STX18: variants seen among roughly 807,000 people sequenced by gnomAD.
STX18 encodes the protein syntaxin 18, also known as syntaxin-18.
Under a neutral mutation model 50.1 loss-of-function variants are expected in STX18, and 40 were observed. The observed-to-expected ratio is 0.80, with a 90% CI of 0.62 to 1.04. STX18 has a LOEUF of 1.04. Among genes scored for constraint, STX18 ranks in the 50% least tolerant of loss-of-function variants. The pLI is 0.00. For synonymous variants in STX18, 158 were observed against 151.8 expected (o/e 1.04, Z -0.30); for missense variants, 410 against 415.8 (o/e 0.99, Z 0.12).
intron 3 of STX18, among the ~76,000 whole-genome samples, chr4:4,457,883 T>C (rs1727165885): frequency 6.6e-6 from 1 of 152,186 alleles, no homozygotes; most frequent in Non-Finnish European, 1.5e-5. Flanking sequence ...GTGCTGCTTT[T>C]CAGCCTGTAG....
intron 1 of STX18, among the ~76,000 whole-genome samples, chr4:4,519,613 G>A (rs1249966084): frequency 6.6e-6 from 1 of 152,104 alleles, no homozygotes; most frequent in Non-Finnish European, 1.5e-5. Flanking sequence ...AAACAGCTGA[G>A]AAGAACTGAA....
intron 5 of STX18, among the ~76,000 whole-genome samples, chr4:4,440,412 C>T (rs1173593061): frequency 1.3e-5 from 2 of 152,178 alleles, no homozygotes; most frequent in Non-Finnish European, 2.9e-5. Flanking sequence ...GAAACTTGCC[C>T]AGGTCACAGT....
Position 4,420,875 on chromosome 4 carries a change from C to G in STX18, c.901G>C (p.Asp301His). The change falls in exon 10 of 11, where the codon GAC becomes CAC. Residue 301 changes from aspartate (D) to histidine (H), a missense_variant. Asp to His is a moderately conservative substitution (Grantham distance 81, BLOSUM62 -1). Transcript: ENST00000306200. The surrounding 1 kb of genome is among the most constrained non-coding windows in gnomAD (Gnocchi z 4.3). ...ATENIKEGNE[D>H]IREAIKNNAG... ...TAAACAGTGCCTACCTCTCTTATGTCTTCGTTGCCTTCCTTGATATTTTCA... is the reference window on the plus strand; with the variant it reads ...TAAACAGTGCCTACCTCTCTTATGTGTTCGTTGCCTTCCTTGATATTTTCA... 2 of 1,614,152 alleles carry G rather than the reference C, an allele frequency of 1.2e-6. No individual in the cohort carries two copies. Among genetic ancestry groups the G allele is most frequent in the Non-Finnish European group, 1.7e-6 (2 of 1,180,024 alleles).
chr4:4,504,741 T>C (rs889893102), intron 1 of STX18, among the ~76,000 whole-genome samples: 1 of 152,182 alleles, frequency 6.6e-6, no homozygotes, highest in Non-Finnish European at 1.5e-5. Flanking sequence ...GAAATGCTAA[T>C]TAACAATGAT....
Position 4,482,689 on chromosome 4 carries a change from G to A in STX18, c.169-10983C>T, listed in dbSNP as rs117913272. Among the ~76,000 whole-genome samples, 325 of 152,258 alleles carry A rather than the reference G, an allele frequency of 2.1e-3. 6 individuals carry two copies. The highest frequency in any genetic ancestry group is 0.011 in the East Asian group (58 of 5,186). On this transcript the variant is annotated intron_variant, in intron 1 of 10. Transcript: ENST00000306200. ...CCTCCTCTTCTCTGCCCTGCACTCT[G>A]GCACCTGCTTCTCTCTGCCCAGAAT...
At chr4:4,439,283 C>A (rs1725969823) in intron 5 of STX18, among the ~76,000 whole-genome samples, 1 of 128,982 alleles carries the variant, frequency 7.8e-6, no homozygotes, top group Admixed American at 7.2e-5. Context: ...TAAACACACA[C>A]ACATATATAC....
chr4:4,476,260 A>T (rs1452007805), intron 1 of STX18: 2 of 152,274 alleles, frequency 1.3e-5, no homozygotes, highest in African/African-American at 4.8e-5. Context: ...CTGTATTTCT[A>T]ACATAAAGTG....
intron 2 of STX18, among the ~76,000 whole-genome samples, chr4:4,467,175 T>C (rs1011969544): frequency 7.2e-5 from 11 of 152,174 alleles, no homozygotes; most frequent in Middle Eastern, 3.2e-3. Flanking sequence ...GGCCTCTGGC[T>C]ACATGACTCC....
chr4:4,461,501 C>T (rs1467277563), intron 2 of STX18, among the ~76,000 whole-genome samples: 1 of 152,168 alleles, frequency 6.6e-6, no homozygotes, highest in Non-Finnish European at 1.5e-5. Flanking sequence ...ATTACAGCTT[C>T]CTAATTATGT....
At chr4:4,504,697 A>C (rs1314355558) in intron 1 of STX18, among the ~76,000 whole-genome samples, 1 of 152,228 alleles carries the variant, frequency 6.6e-6, no homozygotes, top group Non-Finnish European at 1.5e-5. Context: ...CAAGGGGGGC[A>C]CATGAAAGAT....
At chr4:4,487,105 C>T (rs923833319) in intron 1 of STX18, among the ~76,000 whole-genome samples, 2 of 152,058 alleles carry the variant, frequency 1.3e-5, no homozygotes, top group African/African-American at 4.8e-5. Flanking sequence ...TGATTGTAAA[C>T]ACTGTTCAAC....
chr4:4,507,118 C>T, intron 1 of STX18: 1 of 556,236 alleles, frequency 1.8e-6, no homozygotes, highest in Non-Finnish European at 3.5e-6. Flanking sequence ...AGCCCAATGG[C>T]AAGAAGCCAG....
intron 1 of STX18, among the ~76,000 whole-genome samples, chr4:4,517,597 G>A (rs975676634): frequency 1.9e-4 from 29 of 152,052 alleles, no homozygotes; most frequent in African/African-American, 6.0e-4. Flanking sequence ...ATGCATAAAC[G>A]TGATTTATTT....
intron 1 of STX18, among the ~76,000 whole-genome samples, chr4:4,538,022 G>A (rs139892032): frequency 2.6e-5 from 4 of 151,636 alleles, no homozygotes; most frequent in African/African-American, 7.3e-5. Flanking sequence ...CAACTGCTAC[G>A]ACTTTGGGCA....
chr4:4,500,694 T>G, intron 1 of STX18, among the ~76,000 whole-genome samples: 1 of 152,226 alleles, frequency 6.6e-6, no homozygotes, highest in East Asian at 1.9e-4. Flanking sequence ...TTACAAATTC[T>G]TCTAAAAAAT....
intron 1 of STX18, among the ~76,000 whole-genome samples, chr4:4,490,709 T>C (rs1377459212): frequency 6.6e-6 from 1 of 152,140 alleles, no homozygotes; most frequent in Non-Finnish European, 1.5e-5. Context: ...AAAAACTTCA[T>C]CCATGTTCAG....
chr4:4,517,964 G>T (rs1730357260), intron 1 of STX18, among the ~76,000 whole-genome samples: 1 of 151,876 alleles, frequency 6.6e-6, no homozygotes, highest in African/African-American at 2.4e-5. Flanking sequence ...TAGTAGAGAC[G>T]AGGTTTCACC....
At chr4:4,530,135 T>G (rs1731028023) in intron 1 of STX18, among the ~76,000 whole-genome samples, 1 of 152,276 alleles carries the variant, frequency 6.6e-6, no homozygotes, top group African/African-American at 2.4e-5. Context: ...TGCCAGGAGT[T>G]TTACTTGTTC....
chr4:4,522,252 C>T (rs1325455401), intron 1 of STX18, among the ~76,000 whole-genome samples: 6 of 152,100 alleles, frequency 3.9e-5, no homozygotes, highest in African/African-American at 4.8e-5. Context: ...TGAACACACA[C>T]GACGTCTGGT....
Sources: allele counts gnomAD v4.1 joint callset (sites outside exome capture counted in the v4.1 genomes callset), GRCh38; gene constraint gnomAD v4.1.1; non-coding constraint Gnocchi (gnomAD v3.1); transcripts MANE v1.5; gene names NCBI Gene and HGNC (gene_info 2026-07-23, HGNC 2026-07-21).